Variants in CRTAC1 observed in about 807,000 individuals in gnomAD.
CRTAC1 encodes cartilage acidic protein 1.
A neutral mutation model predicts 67.8 loss-of-function variants in CRTAC1; 37 were observed. The ratio of observed to expected loss-of-function variants is 0.55; its 90% confidence interval spans 0.42 to 0.72. The LOEUF is 0.72. Among genes scored for constraint, CRTAC1 ranks in the 30% least tolerant of loss-of-function variants. The probability of loss-of-function intolerance (pLI) is 0.00; values close to 1 mark genes in which losing one functional copy is unlikely to be tolerated. For synonymous variants in CRTAC1, 348 were observed against 371.0 expected, an observed-to-expected ratio of 0.94 and a Z score of 0.71; for missense variants, 780 against 931.6, an observed-to-expected ratio of 0.84 and a Z score of 2.12.
At chr10:97,950,246 C>G (rs517482) in intron 2 of CRTAC1, among the ~76,000 whole-genome samples, 35,204 of 113,074 alleles carry the variant, frequency 0.31, 5,370 homozygotes, top group African/African-American at 0.38. Context: ...CACACACACA[C>G]AGAGAGAGAG....
chr10:97,962,855 T>C (rs929984917), intron 2 of CRTAC1, among the ~76,000 whole-genome samples: 2 of 149,792 alleles, frequency 1.3e-5, no homozygotes, highest in South Asian at 4.2e-4. Context: ...GGCATCAACA[T>C]GCCAGGAGGA....
At chr10:97,906,600 C>A (rs966836363) in intron 6 of CRTAC1, among the ~76,000 whole-genome samples, 3 of 152,178 alleles carry the variant, frequency 2.0e-5, no homozygotes, top group African/African-American at 7.2e-5. Context: ...ACTATTCCCT[C>A]CCCTTTGCTT....
At chr10:98,022,708 G>A (rs114276709) in intron 1 of CRTAC1, among the ~76,000 whole-genome samples, 3,124 of 152,212 alleles carry the variant, frequency 0.021, 104 homozygotes, top group African/African-American at 0.067. Flanking sequence ...GCTATGCCAC[G>A]GTAAGGAGCC....
At chr10:98,023,551 A>G (rs1259419430) in intron 1 of CRTAC1, among the ~76,000 whole-genome samples, 1 of 152,204 alleles carries the variant, frequency 6.6e-6, no homozygotes, top group Non-Finnish European at 1.5e-5. Context: ...CCCCACCTGA[A>G]AAAAGCCTCT....
At chr10:97,912,064 C>G (rs1465701614) in intron 5 of CRTAC1, among the ~76,000 whole-genome samples, 1 of 152,244 alleles carries the variant, frequency 6.6e-6, no homozygotes, top group African/African-American at 2.4e-5. Context: ...GGGCTCATCA[C>G]TGAACCTTCC....
intron 2 of CRTAC1, 151 bp from the exon 3 acceptor site, chr10:97,936,517 T>A: frequency 1.7e-6 from 1 of 601,336 alleles, no homozygotes; most frequent in Non-Finnish European, 2.8e-6. Flanking sequence ...CAGCCTTGCC[T>A]CATGGAACCC....
Position 97,895,740 on chromosome 10 carries a change from G to T in CRTAC1, c.1317+145C>A. 1 of 660,846 alleles carries T rather than the reference G, an allele frequency of 1.5e-6. No homozygotes were observed. The highest frequency in any genetic ancestry group is 2.5e-6 in the Non-Finnish European group (1 of 393,914). 40.9% of individuals were successfully genotyped at this position (660,846 alleles called of 1,614,324 possible). ...CTTCCTGAGCTTCCCGGTGCTGCTG[G>T]AATTTACTTCCCTCCTCCAGGGCCC... On this transcript the variant is annotated intron_variant, in intron 10 of 14. Coordinates refer to ENST00000370597, the MANE Select transcript of CRTAC1 (RefSeq NM_018058.7). The surrounding 1 kb of genome is among the most constrained non-coding windows in gnomAD (Gnocchi z 4.2).
chr10:98,007,532 T>C (rs1296972994), intron 2 of CRTAC1, among the ~76,000 whole-genome samples: 2 of 152,222 alleles, frequency 1.3e-5, no homozygotes, highest in Non-Finnish European at 2.9e-5. Flanking sequence ...CTGCCCAATT[T>C]TGCCATCCTG....
At position 97,925,038 on chromosome 10, in the gene CRTAC1, G is replaced by A. The variant is rs564840231; in HGVS notation, c.422-1638C>T. Among the ~76,000 whole-genome samples the A allele has an allele frequency of 3.4e-4, 52 of 152,254 alleles. No individual in the cohort carries two copies. In the South Asian group the frequency reaches 1.0e-2, roughly 29 times the overall value. Reference sequence around the variant, plus strand: ...TCCCAGTACTGTGGGAGGCCAAGGCGGGCAGATCACTTGAGCCCAGGAGTT... The same window carrying A: ...TCCCAGTACTGTGGGAGGCCAAGGCAGGCAGATCACTTGAGCCCAGGAGTT... On this transcript the variant is annotated intron_variant, in intron 3 of 14. Transcript: ENST00000370597.
intron 5 of CRTAC1, among the ~76,000 whole-genome samples, chr10:97,908,627 T>A (rs968513629): frequency 7.2e-5 from 11 of 152,238 alleles, no homozygotes; most frequent in Non-Finnish European, 2.9e-5. Flanking sequence ...GGTACGCAGA[T>A]GCTTACTTTG....
intron 2 of CRTAC1, among the ~76,000 whole-genome samples, chr10:97,982,782 G>A (rs1420020313): frequency 6.6e-6 from 1 of 152,168 alleles, no homozygotes; most frequent in Non-Finnish European, 1.5e-5. Flanking sequence ...CATCACATTT[G>A]AACAAAGTTT....
chr10:97,915,579 G>A (rs562130485), intron 5 of CRTAC1, among the ~76,000 whole-genome samples: 3 of 152,294 alleles, frequency 2.0e-5, no homozygotes, highest in Admixed American at 6.5e-5. Flanking sequence ...CCATCAGGCC[G>A]GGCTCAGCAT....
chr10:97,993,260 C>T (rs1842494026), intron 2 of CRTAC1, among the ~76,000 whole-genome samples: 1 of 152,158 alleles, frequency 6.6e-6, no homozygotes, highest in South Asian at 2.1e-4. Context: ...AGGACCTTGG[C>T]TTTAATACTA....
chr10:97,901,852 G>A (rs148641740), intron 7 of CRTAC1, among the ~76,000 whole-genome samples: 10 of 152,286 alleles, frequency 6.6e-5, no homozygotes, highest in Middle Eastern at 3.4e-3. Flanking sequence ...AATAACAGTC[G>A]TGCTAGACAC....
Position 98,030,526 on chromosome 10 carries a change from C to T in CRTAC1, c.-54G>A, listed in dbSNP as rs940555610. 34 of 1,203,260 alleles carry T rather than the reference C, an allele frequency of 2.8e-5. No individual in the cohort carries two copies. In the African/African-American group the frequency reaches 3.8e-4, roughly 13 times the overall value. The allele number at this position is 1,203,260 out of a possible 1,614,324, so 74.5% of individuals were successfully genotyped here. A position where few individuals can be genotyped will look rare whatever the true frequency, so the allele number is the denominator to read the frequency against. On this transcript the variant is annotated 5_prime_UTR_variant, in exon 1 of 15. Coordinates refer to ENST00000370597, the MANE Select transcript of CRTAC1 (RefSeq NM_018058.7). The surrounding 1 kb of genome is among the most constrained non-coding windows in gnomAD (Gnocchi z 4.2). ...GGCGTGGGAAGCGGGCGCTCGCTGC[C>T]GCCTCTGCCGCCGGCGCCGCCGCCT...
At chr10:97,884,148 A>G (rs1336769383) in intron 12 of CRTAC1, 58 bp downstream of exon 12, 10 of 1,529,132 alleles carry the variant, frequency 6.5e-6, no homozygotes, top group Admixed American at 2.0e-5. Context: ...GCTTCAGCCC[A>G]TGGGGTTGTG....
chr10:97,895,348 A>C lies in CRTAC1; in HGVS notation c.1383T>G (p.Ala461=). The C allele has an allele frequency of 6.2e-7, 1 of 1,611,914 alleles. No individual in the cohort carries two copies. The change falls in exon 11 of 15, where the codon GCT becomes GCG. Residue 461 remains alanine (A), a synonymous_variant. Transcript: ENST00000370597. This position sits in a 1 kb window ranked among gnomAD's most constrained non-coding sequence, Gnocchi z 4.2. ...RTRFGAFARG[A]KVVLYTKKSG... ...TCTTCTTGGTGTAGAGCACGACCTT[A>C]GCTCCCCTGGCAAAGGCCCCAAACC...
At chr10:97,946,140 G>A (rs982365268) in intron 2 of CRTAC1, among the ~76,000 whole-genome samples, 2 of 152,322 alleles carry the variant, frequency 1.3e-5, no homozygotes, top group East Asian at 3.9e-4. Flanking sequence ...AAGAAGACAG[G>A]GAGTCAGGAA....
chr10:97,907,935 G>T (rs1427799014), intron 6 of CRTAC1, 78 bp downstream of exon 6: 3 of 1,500,324 alleles, frequency 2.0e-6, no homozygotes, highest in Non-Finnish European at 2.7e-6. Flanking sequence ...TATCCTGGAG[G>T]GGGCAGGGCA....
Sources: gnomAD v4.1 joint callset for allele counts (sites outside exome capture counted in the v4.1 genomes callset) on GRCh38, gnomAD v4.1.1 for gene constraint, Gnocchi (gnomAD v3.1) non-coding constraint, MANE v1.5 for transcripts, NCBI Gene and HGNC (gene_info 2026-07-23, HGNC 2026-07-21) for gene names.